The following GAS7 variants were observed in gnomAD, a reference collection of about 807,000 sequenced individuals.
The protein encoded by GAS7 is growth arrest-specific protein 7.
Under a neutral mutation model 71.1 loss-of-function variants are expected in GAS7, and 28 were observed. The ratio of observed to expected loss-of-function variants is 0.39; its 90% CI spans 0.29 to 0.54. The LOEUF (loss-of-function observed/expected upper bound fraction) is 0.54, where lower values mean the gene tolerates loss of function less well. Among genes scored for constraint, GAS7 ranks in the 20% least tolerant of loss-of-function variants. The pLI, the probability that GAS7 is intolerant of heterozygous loss-of-function variation, is 0.62. For missense variants in GAS7, 436 were observed against 627.8 expected (o/e 0.69, Z 3.27); for synonymous variants, 258 against 245.8 (o/e 1.05, Z -0.46).
chr17:10,137,582 C>T (rs2074048814), intron 1 of GAS7, among the ~76,000 whole-genome samples: 1 of 151,202 alleles, frequency 6.6e-6, no homozygotes, highest in Admixed American at 6.6e-5. Flanking sequence ...TCTTGTTGCC[C>T]AAGCTGGAGT....
intron 1 of GAS7, among the ~76,000 whole-genome samples, chr17:10,178,871 T>C (rs1472045134): frequency 6.6e-6 from 1 of 151,622 alleles, no homozygotes; most frequent in African/African-American, 2.4e-5. Context: ...ACAGAGGGAA[T>C]TAGAGAAAAA....
At chr17:10,155,118 G>T (rs1448217286) in intron 1 of GAS7, among the ~76,000 whole-genome samples, 2 of 151,808 alleles carry the variant, frequency 1.3e-5, no homozygotes, top group Non-Finnish European at 2.9e-5. Flanking sequence ...GGGTTCAAGC[G>T]ATTCTCCTGT....
chr17:9,940,171 T>C lies in GAS7; in HGVS notation c.761A>G (p.Asn254Ser). 1 of 1,612,644 alleles carries C rather than the reference T, an allele frequency of 6.2e-7. No individual in the cohort carries two copies. The highest frequency in any genetic ancestry group is 8.5e-7 in the Non-Finnish European group (1 of 1,178,586). ...RIKIEEDYAKNLAKLSQNSLA... is the reference protein window; with the variant it reads ...RIKIEEDYAKSLAKLSQNSLA... ...GGAGTTCTGAGAGAGCTTAGCTAAG[T>C]TCTTCGCATAGTCTTCTTCAATCTT... The change falls in exon 8 of 14, where the codon AAC becomes AGC. Residue 254 changes from asparagine to serine, a missense_variant. Physicochemically the swap from Asn to Ser is conservative, Grantham distance 46. Transcript: ENST00000432992.
At chr17:9,990,096 C>T (rs1468085204) in intron 2 of GAS7, among the ~76,000 whole-genome samples, 1 of 152,068 alleles carries the variant, frequency 6.6e-6, no homozygotes, top group Non-Finnish European at 1.5e-5. Flanking sequence ...GGTGAAACCC[C>T]ATCTCTACTA....
chr17:10,172,360 G>A (rs1341667082), intron 1 of GAS7, among the ~76,000 whole-genome samples: 3 of 152,180 alleles, frequency 2.0e-5, no homozygotes, highest in African/African-American at 4.8e-5. Context: ...TCCCCAGGGG[G>A]CAGCCAATCA....
chr17:10,024,229 C>T, intron 1 of GAS7, among the ~76,000 whole-genome samples: 1 of 152,188 alleles, frequency 6.6e-6, no homozygotes, highest in Non-Finnish European at 1.5e-5. Flanking sequence ...GCCAACAGCA[C>T]CAGCATTACC....
chr17:10,009,336 A>AAAAAAAAAAAG (rs2071667971), intron 2 of GAS7, among the ~76,000 whole-genome samples: 1 of 150,724 alleles, frequency 6.6e-6, no homozygotes, highest in East Asian at 1.9e-4. Flanking sequence ...AAAAAAAAAA[A>AAAAAAAAAAAG]GTGTTCTACT....
chr17:10,085,962 C>T (rs192904940), intron 1 of GAS7, among the ~76,000 whole-genome samples: 1 of 152,144 alleles, frequency 6.6e-6, no homozygotes, highest in African/African-American at 2.4e-5. Context: ...CCTCCTGCCT[C>T]GCCTCAAGAA....
At chr17:9,928,506 C>CA (rs1434624379) in intron 9 of GAS7, among the ~76,000 whole-genome samples, 1 of 152,130 alleles carries the variant, frequency 6.6e-6, no homozygotes, top group African/African-American at 2.4e-5. Flanking sequence ...CCCTCCCACC[C>CA]CACTGCCTGG....
chr17:10,041,716 C>T (rs1175533525), intron 1 of GAS7, among the ~76,000 whole-genome samples: 4 of 152,120 alleles, frequency 2.6e-5, no homozygotes, highest in African/African-American at 4.8e-5. Flanking sequence ...TAGCGTTGGC[C>T]GTGAAAAACA....
Position 9,917,128 on chromosome 17 carries a change from G to A in GAS7, c.*100C>T. 1 of 792,884 alleles carries A rather than the reference G, an allele frequency of 1.3e-6. No individual in the cohort carries two copies. Among genetic ancestry groups the A allele is most frequent in the Non-Finnish European group, 2.2e-6 (1 of 446,552 alleles). The allele number at this position is 792,884 out of a possible 1,614,324, so 49.1% of individuals were successfully genotyped here. A position where few individuals can be genotyped will look rare whatever the true frequency, so the allele number is the denominator to read the frequency against. On this transcript the variant is annotated 3_prime_UTR_variant, in exon 14 of 14. Transcript: ENST00000432992. The stretch of plus-strand genomic sequence containing the variant: ...CCAGCTCTCTCCCCTCTCCTCAGTG[G>A]CCCAGGAGAGAGGGTGGGGGGCATC...
chr17:9,925,525 G>A lies in GAS7; in HGVS notation c.1089C>T (p.Asn363=), dbSNP rs548339078. ...CCTTCTTGATGTCCTCCTCTGTCTT[G>A]TTGCTCAGCTTGATCTCCAGCTGCT... is the stretch of plus-strand genomic sequence containing the variant. ...KTQQLEIKLS[N]KTEEDIKKAR... Residue 363 remains asparagine (N), a synonymous_variant, in exon 11 of 14, where the codon AAC becomes AAT. Coordinates refer to ENST00000432992, the MANE Select transcript of GAS7 (RefSeq NM_201433.2). 2.5e-6 allele frequency: 4 copies of A among 1,614,088 alleles called. No homozygotes were observed. The highest frequency in any genetic ancestry group is 1.3e-5 in the African/African-American group (1 of 75,046).
intron 1 of GAS7, among the ~76,000 whole-genome samples, chr17:10,129,301 GAGGT>G (rs1202025784): frequency 1.3e-5 from 2 of 152,202 alleles, no homozygotes; most frequent in Non-Finnish European, 1.5e-5. Context: ...ATGGGAGGCT[GAGGT>G]AGGTGCATCA....
chr17:10,050,254 A>G (rs576509365), intron 1 of GAS7, among the ~76,000 whole-genome samples: 25 of 152,286 alleles, frequency 1.6e-4, no homozygotes, highest in Admixed American at 1.6e-3. Context: ...TTATTGTATT[A>G]TCTTTCAAAT....
chr17:10,093,327 C>T (rs1368113042), intron 1 of GAS7, among the ~76,000 whole-genome samples: 3 of 151,716 alleles, frequency 2.0e-5, no homozygotes, highest in African/African-American at 7.3e-5. Context: ...CCTGTAATCC[C>T]AGCACTTTGG....
chr17:10,194,238 C>T (rs1389288023), intron 1 of GAS7, among the ~76,000 whole-genome samples: 1 of 152,254 alleles, frequency 6.6e-6, no homozygotes, highest in African/African-American at 2.4e-5. Context: ...AAAGAAAGCT[C>T]TATTTTGTTT....
chr17:9,984,202 G>A (rs945457440), intron 2 of GAS7, among the ~76,000 whole-genome samples: 6 of 151,994 alleles, frequency 3.9e-5, no homozygotes, highest in Admixed American at 1.3e-4. Context: ...CTAAACTACC[G>A]TGCAGCCCTA....
intron 6 of GAS7, among the ~76,000 whole-genome samples, chr17:9,943,775 G>A (rs1035900554): frequency 6.6e-6 from 1 of 152,174 alleles, no homozygotes; most frequent in African/African-American, 2.4e-5. Context: ...TGGGTTGAAG[G>A]GAGGCCGGAG....
chr17:10,121,589 A>C (rs143374896), intron 1 of GAS7, among the ~76,000 whole-genome samples: 3 of 152,332 alleles, frequency 2.0e-5, no homozygotes, highest in African/African-American at 7.2e-5. Flanking sequence ...TCCAGTGCTT[A>C]GGCCAGTGTC....
Sources: allele counts gnomAD v4.1 joint callset (sites outside exome capture counted in the v4.1 genomes callset), GRCh38; gene constraint gnomAD v4.1.1; transcripts MANE v1.5; gene names NCBI Gene and HGNC (gene_info 2026-07-23, HGNC 2026-07-21).